ZBTB46: variants seen among roughly 807,000 people sequenced by gnomAD.
The protein encoded by ZBTB46 is zinc finger and BTB domain containing 46, also known as zinc finger and BTB domain-containing protein 46.
ZBTB46 carries 8 observed loss-of-function variants against 44.1 expected under a neutral mutation model. The observed-to-expected ratio is 0.18, with a 90% CI of 0.11 to 0.33. The LOEUF (loss-of-function observed/expected upper bound fraction) is 0.33, where lower values mean the gene tolerates loss of function less well. ZBTB46 is among the 10% of genes least tolerant of loss of function. The probability of loss-of-function intolerance (pLI) is 1.00; values close to 1 mark genes in which losing one functional copy is unlikely to be tolerated. For synonymous variants in ZBTB46, 409 were observed against 382.3 expected (o/e 1.07, Z -0.81); for missense variants, 651 against 847.7 (o/e 0.77, Z 2.88).
chr20:63,753,592 G>C (rs1182680417), intron 3 of ZBTB46, among the ~76,000 whole-genome samples: 1 of 152,228 alleles, frequency 6.6e-6, no homozygotes, highest in Admixed American at 6.5e-5. Context: ...GGGCCACTGA[G>C]AGAGCCCGGA....
Position 63,790,096 on chromosome 20 carries a change from A to G in ZBTB46, c.662T>C (p.Val221Ala). 3.1e-6 allele frequency: 5 copies of G among 1,613,984 alleles called. No individual in the cohort carries two copies. Among genetic ancestry groups the G allele is most frequent in the Non-Finnish European group, 4.2e-6 (5 of 1,180,022 alleles). ...VSSQPLWPGD[V>A]GYGPLRIKEE... ...CTTGATGCGCAGAGGCCCGTAGCCC[A>G]CGTCTCCAGGCCATAGAGGCTGTGA... Residue 221 changes from valine to alanine, a missense_variant, in exon 2 of 5, where the codon GTG becomes GCG. This residue lies in a region of ZBTB46 where 385 missense variants were observed against 423.3 expected (regional missense o/e 0.91). Coordinates refer to ENST00000245663, the MANE Select transcript of ZBTB46 (RefSeq NM_001369741.1).
chr20:63,830,872 G>A (rs2092846758), intron 1 of ZBTB46, among the ~76,000 whole-genome samples: 1 of 142,992 alleles, frequency 7.0e-6, no homozygotes, highest in Non-Finnish European at 1.5e-5. Flanking sequence ...CACCCGCGGG[G>A]GCCGGGCCGG....
chr20:63,825,337 GT>G (rs2092813762), intron 1 of ZBTB46, among the ~76,000 whole-genome samples: 1 of 147,274 alleles, frequency 6.8e-6, no homozygotes, highest in South Asian at 2.2e-4. Context: ...GGAGGCAGAG[GT>G]TGTAATGAGC....
At position 63,752,779 on chromosome 20, in the gene ZBTB46, T is replaced by G. The variant is rs1379238532; in HGVS notation, c.1305A>C (p.Arg435=). The change falls in exon 4 of 5, where the codon CGA becomes CGC. Residue 435 remains arginine, a synonymous_variant. Transcript: ENST00000245663. This position sits in a 1 kb window ranked among gnomAD's most constrained non-coding sequence, Gnocchi z 5.6. ...FSAMHQCILK[R]HMRSHTGERP... The stretch of plus-strand genomic sequence containing the variant: ...GCTCTCCCGTGTGCGAGCGCATGTG[T>G]CGCTTGAGGATGCACTGGTGCATGG... 2 of 1,612,994 alleles carry G rather than the reference T, an allele frequency of 1.2e-6. No individual in the cohort carries two copies. The highest frequency in any genetic ancestry group is 2.7e-5 in the African/African-American group (2 of 74,924).
chr20:63,829,591 C>CTAG (rs2092837190), intron 1 of ZBTB46, among the ~76,000 whole-genome samples: 1 of 152,240 alleles, frequency 6.6e-6, no homozygotes, highest in Non-Finnish European at 1.5e-5. Flanking sequence ...AAGTACTCCC[C>CTAG]TCACTCCTCA....
At chr20:63,806,346 G>T (rs1411819629) in intron 1 of ZBTB46, among the ~76,000 whole-genome samples, 1 of 149,326 alleles carries the variant, frequency 6.7e-6, no homozygotes, top group Non-Finnish European at 1.5e-5. Flanking sequence ...GGCAGAGGTT[G>T]CAGTGAGCCG....
At chr20:63,774,120 C>T (rs1286141384) in intron 3 of ZBTB46, among the ~76,000 whole-genome samples, 1 of 132,292 alleles carries the variant, frequency 7.6e-6, no homozygotes, top group Non-Finnish European at 1.5e-5. Context: ...TGTGACAGCC[C>T]AGCACCCACA....
At chr20:63,797,020 T>A (rs2092608951) in intron 1 of ZBTB46, among the ~76,000 whole-genome samples, 1 of 152,146 alleles carries the variant, frequency 6.6e-6, no homozygotes. Flanking sequence ...TGTTTTTTTA[T>A]ATATACTTTA....
chr20:63,774,331 G>A (rs1486660097), intron 3 of ZBTB46, among the ~76,000 whole-genome samples: 4 of 152,212 alleles, frequency 2.6e-5, no homozygotes, highest in Non-Finnish European at 5.9e-5. Flanking sequence ...TAGTGCTTAT[G>A]AAAACAAAGT....
chr20:63,753,872 G>A (rs981375708), intron 3 of ZBTB46, among the ~76,000 whole-genome samples: 2 of 152,214 alleles, frequency 1.3e-5, no homozygotes, highest in African/African-American at 2.4e-5. Flanking sequence ...TCCTACAGAT[G>A]GGTCTTTGCA....
intron 1 of ZBTB46, among the ~76,000 whole-genome samples, chr20:63,829,718 C>A (rs1023868335): frequency 4.6e-5 from 7 of 152,206 alleles, no homozygotes; most frequent in Admixed American, 1.3e-4. Context: ...CTTCATTATT[C>A]ATGTGAAAAA....
chr20:63,796,733 G>A (rs2092606810), intron 1 of ZBTB46, among the ~76,000 whole-genome samples: 1 of 152,120 alleles, frequency 6.6e-6, no homozygotes, highest in African/African-American at 2.4e-5. Flanking sequence ...GCTGAGGCAG[G>A]AGAATCACTT....
chr20:63,801,458 G>A (rs1160773847), intron 1 of ZBTB46, among the ~76,000 whole-genome samples: 2 of 152,230 alleles, frequency 1.3e-5, no homozygotes, highest in East Asian at 1.9e-4. Context: ...TCAGCAAGAT[G>A]TGGGTGGGGC....
chr20:63,825,105 A>G (rs2092812797), intron 1 of ZBTB46, among the ~76,000 whole-genome samples: 1 of 149,594 alleles, frequency 6.7e-6, no homozygotes, highest in African/African-American at 2.5e-5. Context: ...TCTCACCATC[A>G]TCAAACCCTT....
intron 3 of ZBTB46, among the ~76,000 whole-genome samples, chr20:63,770,355 A>G (rs577330904): frequency 2.0e-5 from 3 of 147,520 alleles, no homozygotes; most frequent in East Asian, 4.9e-4. Flanking sequence ...CTAGTAACAG[A>G]GAGGAGGCCC....
At chr20:63,816,134 G>T (rs796436195) in intron 1 of ZBTB46, among the ~76,000 whole-genome samples, 3 of 101,560 alleles carry the variant, frequency 3.0e-5, no homozygotes, top group African/African-American at 1.3e-4. Flanking sequence ...GGGCGCAGGT[G>T]CAGTGGGTGC....
At chr20:63,751,677 C>G (rs1355597596) in intron 4 of ZBTB46, among the ~76,000 whole-genome samples, 1 of 145,610 alleles carries the variant, frequency 6.9e-6, no homozygotes, top group East Asian at 2.0e-4. Context: ...TGAAGCCCCG[C>G]CCCCCGGTGG....
rs565250545 is a variant in ZBTB46 at position 63,743,985 on chromosome 20, TTG to T, written c.*2943_*2944del. On this transcript the variant is annotated 3_prime_UTR_variant, in exon 5 of 5. Coordinates refer to ENST00000245663, the MANE Select transcript of ZBTB46 (RefSeq NM_001369741.1). ...ACAATCTTCAAACACTGCCCTTTTTTTGTGTGTTTTGTTTTTGTTGACAGGTT... is the reference window on the plus strand; with the variant it reads ...ACAATCTTCAAACACTGCCCTTTTTTTGTGTTTTGTTTTTGTTGACAGGTT... 1.4e-4 allele frequency: 21 copies of T among 152,482 alleles called. No homozygotes were observed. Among genetic ancestry groups the T allele is most frequent in the East Asian group, 3.8e-4 (2 of 5,332 alleles). 9.4% of individuals were successfully genotyped at this position (152,482 alleles called of 1,614,324 possible). A position where few individuals can be genotyped will look rare whatever the true frequency, so the allele number is the denominator to read the frequency against.
Position 63,797,741 on chromosome 20 carries a change from C to T in ZBTB46, c.-33-6951G>A, listed in dbSNP as rs1369077048. Among the ~76,000 whole-genome samples, 5 of 152,342 alleles carry T rather than the reference C, an allele frequency of 3.3e-5. No individual in the cohort carries two copies. The East Asian group carries it at 9.6e-4, about 29-fold the overall frequency. Reference sequence around the variant, plus strand: ...CTCATTGTGGTTTTGATTTGCATTTCTCTCACGGCCAGTGATGATGAGCAG... The same window carrying T: ...CTCATTGTGGTTTTGATTTGCATTTTTCTCACGGCCAGTGATGATGAGCAG... On this transcript the variant is annotated intron_variant, in intron 1 of 4. Transcript: ENST00000245663.
Sources: gnomAD v4.1 joint callset for allele counts (sites outside exome capture counted in the v4.1 genomes callset) on GRCh38, gnomAD v4.1.1 for gene constraint, gnomAD v4.1.1 regional missense constraint, Gnocchi (gnomAD v3.1) non-coding constraint, MANE v1.5 for transcripts, NCBI Gene and HGNC (gene_info 2026-07-23, HGNC 2026-07-21) for gene names.